QTGAL: variants seen among roughly 807,000 people sequenced by gnomAD.
QTGAL encodes the protein queuosine-tRNA galactosyltransferase, also known as BGnT-like protein 1.
the QTGAL span, chr17:83,048,882 G>A: frequency 1.4e-5 from 13 of 957,450 alleles, no homozygotes; most frequent in Admixed American, 1.3e-4. Context: ...CACATATGCC[G>A]TGACAAACAA....
the QTGAL span, among the ~76,000 whole-genome samples, chr17:82,970,634 ACC>A: frequency 3.0e-5 from 3 of 101,282 alleles, no homozygotes; most frequent in South Asian, 2.5e-4. Flanking sequence ...CGTGGCCGCG[ACC>A]TCCGCACCCG....
At chr17:82,976,588 G>A in the QTGAL span, among the ~76,000 whole-genome samples, 1 of 90,188 alleles carries the variant, frequency 1.1e-5, no homozygotes, top group Non-Finnish European at 2.2e-5. Context: ...AGGGCCCCGG[G>A]ACAGAGCCGG....
At chr17:82,984,427 GGA>G in the QTGAL span, among the ~76,000 whole-genome samples, 1 of 148,674 alleles carries the variant, frequency 6.7e-6, no homozygotes, top group African/African-American at 2.5e-5. Context: ...GGCCACAGGA[GGA>G]CGCAGGGAGA....
chr17:83,002,067 TTTTA>T, the QTGAL span, among the ~76,000 whole-genome samples: 1 of 151,878 alleles, frequency 6.6e-6, no homozygotes, highest in African/African-American at 2.4e-5. Flanking sequence ...TTTTTTTTTT[TTTTA>T]AATTTCCCAC....
the QTGAL span, among the ~76,000 whole-genome samples, chr17:82,970,514 T>TCCTCCCCACCCAGTGTGGACATGA: frequency 7.1e-5 from 4 of 56,660 alleles, 1 homozygote; most frequent in Admixed American, 3.5e-4. Context: ...CAAACACAGG[T>TCCTCCCCACCCAGTGTGGACATGA]CCTCCCCACC....
chr17:83,010,781 C>T, the QTGAL span, among the ~76,000 whole-genome samples: 17 of 152,208 alleles, frequency 1.1e-4, no homozygotes, highest in African/African-American at 4.1e-4. Context: ...AGGCAAGGAG[C>T]GGGGAACGGC....
chr17:82,988,463 A>G, the QTGAL span, among the ~76,000 whole-genome samples: 1,466 of 152,314 alleles, frequency 9.6e-3, 30 homozygotes, highest in African/African-American at 0.032. Flanking sequence ...ATTACATGAC[A>G]AAAACATCAA....
chr17:83,006,186 T>C, the QTGAL span: 1 of 986,056 alleles, frequency 1.0e-6, no homozygotes, highest in Non-Finnish European at 1.2e-6. The surrounding 1 kb of genome is among the most constrained non-coding windows in gnomAD (Gnocchi z 5.8). Flanking sequence ...AATGTAACTG[T>C]GGTCCAAAGA....
At chr17:82,997,930 A>ATAT in the QTGAL span, among the ~76,000 whole-genome samples, 23,113 of 131,040 alleles carry the variant, frequency 0.18, 2,156 homozygotes, top group East Asian at 0.28. Flanking sequence ...TAAAAAAAAA[A>ATAT]ATATATATAT....
At chr17:83,045,049 A>G in the QTGAL span, among the ~76,000 whole-genome samples, 3 of 152,272 alleles carry the variant, frequency 2.0e-5, no homozygotes, top group Admixed American at 6.5e-5. Context: ...AAACCCACAA[A>G]GAACAAACTA....
chr17:82,968,339 C>A, the QTGAL span, among the ~76,000 whole-genome samples: 65,658 of 136,338 alleles, frequency 0.48, 16,914 homozygotes, highest in Admixed American at 0.61. Flanking sequence ...TCACCAGCAA[C>A]CAAGGGAACA....
At chr17:82,942,507 G>C in the QTGAL span, 1 of 1,613,670 alleles carries the variant, frequency 6.2e-7, no homozygotes, top group South Asian at 1.1e-5. Context: ...TGGTGAGGAT[G>C]TCTTGTTCCT....
the QTGAL span, chr17:83,048,519 C>G: frequency 6.2e-7 from 1 of 1,614,036 alleles, no homozygotes; most frequent in Middle Eastern, 1.6e-4. Context: ...ACGTGGACAC[C>G]AGAATCTTCC....
the QTGAL span, among the ~76,000 whole-genome samples, chr17:83,032,537 C>T: frequency 6.6e-6 from 1 of 151,582 alleles, no homozygotes; most frequent in Non-Finnish European, 1.5e-5. Flanking sequence ...AGGCCTCCGA[C>T]CCAGACTGAG....
the QTGAL span, among the ~76,000 whole-genome samples, chr17:82,950,419 G>A: frequency 3.3e-5 from 5 of 152,182 alleles, no homozygotes; most frequent in East Asian, 7.7e-4. Context: ...CGGCACTGAC[G>A]GGGTTGGAGA....
At chr17:82,962,136 C>T in the QTGAL span, among the ~76,000 whole-genome samples, 1 of 152,154 alleles carries the variant, frequency 6.6e-6, no homozygotes, top group Non-Finnish European at 1.5e-5. Context: ...AGCCTCTTCT[C>T]TCCTTGGCTG....
At chr17:83,043,109 T>C in the QTGAL span, among the ~76,000 whole-genome samples, 3 of 150,972 alleles carry the variant, frequency 2.0e-5, no homozygotes, top group Non-Finnish European at 4.4e-5. Flanking sequence ...CCTTCAATAA[T>C]GGAGAGAACA....
At chr17:83,020,990 A>G in the QTGAL span, among the ~76,000 whole-genome samples, 1 of 152,248 alleles carries the variant, frequency 6.6e-6, no homozygotes, top group Non-Finnish European at 1.5e-5. Context: ...AGAGTCATAC[A>G]TTGTGTTCCA....
At chr17:82,985,741 C>A in the QTGAL span, among the ~76,000 whole-genome samples, 24 of 152,190 alleles carry the variant, frequency 1.6e-4, no homozygotes, top group African/African-American at 5.8e-4. Context: ...CAGGGTTGAT[C>A]GGAGGCCAAA....
Sources: gnomAD v4.1 joint callset for allele counts (sites outside exome capture counted in the v4.1 genomes callset) on GRCh38, gnomAD v4.1.1 for gene constraint, Gnocchi (gnomAD v3.1) non-coding constraint, MANE v1.5 for transcripts, NCBI Gene and HGNC (gene_info 2026-07-23, HGNC 2026-07-21) for gene names.